Variants in EFCAB5 observed in about 807,000 individuals in gnomAD.
EFCAB5 encodes EF-hand calcium-binding domain-containing protein 5.
A neutral mutation model predicts 167.9 loss-of-function variants in EFCAB5; 131 were observed. The observed-to-expected ratio is 0.78, with a 90% CI of 0.68 to 0.90. EFCAB5 has a LOEUF of 0.90. EFCAB5 is among the 40% of genes least tolerant of loss of function. The pLI, the probability that EFCAB5 is intolerant of heterozygous loss-of-function variation, is 0.00. For synonymous variants in EFCAB5, 574 were observed against 602.8 expected (o/e 0.95, Z 0.70); for missense variants, 1,663 against 1,745.2 (o/e 0.95, Z 0.84).
intron 1 of EFCAB5, chr17:29,930,056 G>A (rs551093286): frequency 2.7e-6 from 4 of 1,501,264 alleles, no homozygotes; most frequent in Non-Finnish European, 3.6e-6. Context: ...TGTGGGGGAC[G>A]GGAGGGTGAC....
At chr17:30,055,546 C>A (rs1201100674) in intron 10 of EFCAB5, among the ~76,000 whole-genome samples, 9 of 152,196 alleles carry the variant, frequency 5.9e-5, no homozygotes, top group African/African-American at 1.9e-4. Context: ...TATGTACTAT[C>A]TGCAGTTTCA....
chr17:30,104,862 G>A (rs530756250), intron 22 of EFCAB5, among the ~76,000 whole-genome samples: 19 of 152,252 alleles, frequency 1.2e-4, no homozygotes, highest in African/African-American at 4.6e-4. Context: ...AAGCAACAGG[G>A]TCTTGTGAAA....
intron 4 of EFCAB5, among the ~76,000 whole-genome samples, chr17:29,988,041 C>T (rs903260325): frequency 3.3e-5 from 5 of 152,198 alleles, no homozygotes; most frequent in Admixed American, 6.5e-5. Context: ...AGTTGGGCAT[C>T]GCTGGATAAT....
intron 18 of EFCAB5, among the ~76,000 whole-genome samples, chr17:30,086,842 A>G (rs915073967): frequency 1.3e-5 from 2 of 152,238 alleles, no homozygotes; most frequent in Non-Finnish European, 2.9e-5. Context: ...TGGTGAGCCA[A>G]GATCGTGCTA....
intron 4 of EFCAB5, among the ~76,000 whole-genome samples, chr17:29,980,199 T>C (rs560403974): frequency 6.6e-6 from 1 of 152,196 alleles, no homozygotes; most frequent in South Asian, 2.1e-4. Context: ...TTAAACTTAC[T>C]GAGGAACCTT....
chr17:30,027,697 A>T (rs2069369081), intron 7 of EFCAB5, among the ~76,000 whole-genome samples: 1 of 151,974 alleles, frequency 6.6e-6, no homozygotes. Context: ...TTCTGTGTTA[A>T]AACCAGGTTT....
chr17:29,945,842 A>G (rs2067386808), intron 3 of EFCAB5, among the ~76,000 whole-genome samples: 1 of 152,236 alleles, frequency 6.6e-6, no homozygotes, highest in African/African-American at 2.4e-5. Context: ...TCAACTCAGT[A>G]TGCATCAAAA....
chr17:29,936,578 G>C (rs1282628763), intron 1 of EFCAB5, among the ~76,000 whole-genome samples: 2 of 152,136 alleles, frequency 1.3e-5, no homozygotes, highest in Non-Finnish European at 2.9e-5. Context: ...AGCTGGCAAG[G>C]CAAAAGAAAT....
At chr17:30,097,067 T>A (rs1276908054) in intron 22 of EFCAB5, among the ~76,000 whole-genome samples, 3 of 146,108 alleles carry the variant, frequency 2.1e-5, no homozygotes, top group Non-Finnish European at 4.5e-5. Context: ...TATATTTTTT[T>A]TTTTTTGAGA....
At chr17:30,058,035 T>C in intron 13 of EFCAB5, 145 bp downstream of exon 13, 1 of 697,386 alleles carries the variant, frequency 1.4e-6, no homozygotes, top group Non-Finnish European at 2.3e-6. Flanking sequence ...CCATTAAAGA[T>C]TCTATTTTAT....
At chr17:29,940,131 A>G (rs2067278816), upstream of EFCAB5, among the ~76,000 whole-genome samples, 2 of 150,894 alleles carry the variant, frequency 1.3e-5, no homozygotes, top group Non-Finnish European at 2.9e-5. Flanking sequence ...GCTGGAGTGC[A>G]ATGGCATGAT....
chr17:30,069,369 G>A (rs1226435509), intron 14 of EFCAB5: 1 of 1,558,668 alleles, frequency 6.4e-7, no homozygotes, highest in Non-Finnish European at 8.8e-7. Flanking sequence ...GAAATGAACA[G>A]CTTGTTTGAT....
At chr17:29,958,609 G>T (rs577453629) in intron 3 of EFCAB5, among the ~76,000 whole-genome samples, 7 of 152,236 alleles carry the variant, frequency 4.6e-5, no homozygotes, top group Admixed American at 4.6e-4. Flanking sequence ...TGTCTGAAAG[G>T]TCAGATATCT....
chr17:30,053,957 G>A lies in EFCAB5; in HGVS notation c.2003G>A (p.Gly668Asp). ...ATTTCAGAAGAGCAAGAAGACATAG[G>A]CTCAACTTCACAATCAAGAAAAGAT... is the stretch of plus-strand genomic sequence containing the variant. The part of the protein sequence containing the change: ...EIISEEQEDI[G>D]STSQSRKDSI... Residue 668 changes from glycine (G) to aspartate (D), a missense_variant, in exon 10 of 23, where the codon GGC becomes GAC. By Grantham distance (94) the Gly-to-Asp change is moderately conservative (BLOSUM62 -1). Coordinates refer to ENST00000394835, the MANE Select transcript of EFCAB5 (RefSeq NM_198529.4). The A allele has an allele frequency of 6.2e-7, 1 of 1,613,918 alleles. No homozygotes were observed. Among genetic ancestry groups the A allele is most frequent in the Non-Finnish European group, 8.5e-7 (1 of 1,179,854 alleles).
At chr17:30,064,598 A>G (rs2070511985) in intron 14 of EFCAB5, among the ~76,000 whole-genome samples, 2 of 152,226 alleles carry the variant, frequency 1.3e-5, no homozygotes, top group African/African-American at 4.8e-5. Context: ...TTGAAAACCT[A>G]TTTAACAAAA....
intron 3 of EFCAB5, among the ~76,000 whole-genome samples, chr17:29,946,556 C>G (rs1386395590): frequency 1.4e-4 from 21 of 151,172 alleles, no homozygotes; most frequent in Admixed American, 1.4e-3. Context: ...CCTGCCTCAG[C>G]CTCCCAAGTA....
rs1172533837 is a variant in EFCAB5, at chr17:29,950,113, A to G, written c.190+6464A>G. 3.3e-5 allele frequency among the ~76,000 whole-genome samples: 5 copies of G among 152,056 alleles called. No homozygotes were observed. In the East Asian group the frequency reaches 9.7e-4, roughly 29 times the overall value. ...TCCACTTATACACAGATTTTCTTCC[A>G]CCTCTGCCACTCCAAAACAGCAAGA... On this transcript the variant is annotated intron_variant, in intron 3 of 22. Transcript: ENST00000394835.
rs1008337518 is a variant in EFCAB5, at chr17:29,968,832, A to G, written c.232A>G (p.Ile78Val). Residue 78 changes from isoleucine to valine, a missense_variant, in exon 4 of 23, where the codon ATA becomes GTA. Ile to Val is a conservative substitution (Grantham distance 29). Coordinates refer to ENST00000394835, the MANE Select transcript of EFCAB5 (RefSeq NM_198529.4). ...GCAGCGAAAAATTTCACCTGGTTCAATAAAGGACTCTAAAACTGAAGCCTC... is the reference window on the plus strand; with the variant it reads ...GCAGCGAAAAATTTCACCTGGTTCAGTAAAGGACTCTAAAACTGAAGCCTC... ...EGQRKISPGS[I>V]KDSKTEASGN... is the part of the protein sequence containing the mutation. 1.3e-5 allele frequency: 20 copies of G among 1,534,502 alleles called. No homozygotes were observed. Among genetic ancestry groups the G allele is most frequent in the Non-Finnish European group, 1.5e-5 (17 of 1,141,660 alleles).
intron 3 of EFCAB5, among the ~76,000 whole-genome samples, chr17:29,955,234 G>A (rs751445410): frequency 1.2e-4 from 19 of 152,076 alleles, no homozygotes; most frequent in Non-Finnish European, 1.6e-4. Context: ...GGGAGGGGCC[G>A]GGGCAGAATG....
Sources: allele counts gnomAD v4.1 joint callset (sites outside exome capture counted in the v4.1 genomes callset), GRCh38; gene constraint gnomAD v4.1.1; transcripts MANE v1.5; gene names NCBI Gene and HGNC (gene_info 2026-07-23, HGNC 2026-07-21).